SCFD2: variants seen among roughly 807,000 people sequenced by gnomAD.
SCFD2 encodes the protein sec1 family domain containing 2.
A neutral mutation model predicts 58.9 loss-of-function variants in SCFD2; 54 were observed. The observed-to-expected ratio is 0.92, with a 90% confidence interval of 0.74 to 1.15. The LOEUF (loss-of-function observed/expected upper bound fraction) is 1.15. Ranked by LOEUF, SCFD2 falls within the 50% of genes most tolerant of loss-of-function variation. The pLI, the probability that SCFD2 is intolerant of heterozygous loss-of-function variation, is 0.00. For synonymous variants in SCFD2, 321 were observed against 335.9 expected (o/e 0.96, Z 0.49); for missense variants, 805 against 836.6 (o/e 0.96, Z 0.47).
At chr4:52,934,128 A>G (rs996931813) in intron 5 of SCFD2, among the ~76,000 whole-genome samples, 1 of 152,220 alleles carries the variant, frequency 6.6e-6, no homozygotes, top group Non-Finnish European at 1.5e-5. Flanking sequence ...AAAATGAAAG[A>G]AAAAATGATC....
At chr4:53,159,297 A>G (rs1175494597) in intron 4 of SCFD2, among the ~76,000 whole-genome samples, 3 of 152,244 alleles carry the variant, frequency 2.0e-5, no homozygotes, top group African/African-American at 7.2e-5. Flanking sequence ...GAGTTTGAAA[A>G]AGATTACTTG....
intron 5 of SCFD2, among the ~76,000 whole-genome samples, chr4:53,028,599 A>G (rs1722539548): frequency 6.6e-6 from 1 of 152,168 alleles, no homozygotes; most frequent in African/African-American, 2.4e-5. Flanking sequence ...TTCTTATTCA[A>G]TAGAGATGGA....
chr4:52,959,375 T>C (rs932638015), intron 5 of SCFD2, among the ~76,000 whole-genome samples: 4 of 152,100 alleles, frequency 2.6e-5, no homozygotes, highest in African/African-American at 9.7e-5. Context: ...CCATTGCAAA[T>C]GTACAAAATC....
chr4:53,304,610 C>T (rs1163456442), intron 3 of SCFD2, among the ~76,000 whole-genome samples: 5 of 151,630 alleles, frequency 3.3e-5, no homozygotes, highest in South Asian at 2.1e-4. Flanking sequence ...TCTGCTTGAT[C>T]GATTCAGCTA....
In SCFD2 at chr4:53,282,160, G is replaced by A. The variant is rs191717153; in HGVS notation, c.1136-8159C>T. Among the ~76,000 whole-genome samples, 46 of 152,204 alleles carry A rather than the reference G, an allele frequency of 3.0e-4. 1 individual carries two copies. The highest frequency in any genetic ancestry group is 2.4e-3 in the Admixed American group (37 of 15,284). On this transcript the variant is annotated intron_variant, in intron 3 of 8. Coordinates refer to ENST00000401642, the MANE Select transcript of SCFD2 (RefSeq NM_152540.4). ...GGGTAGAGGTGCAGGTTTGTTATGA[G>A]GTTAATTCTTTCTACTTGCTTCTCA...
chr4:53,329,074 C>T (rs538166974), intron 2 of SCFD2, among the ~76,000 whole-genome samples: 98 of 152,346 alleles, frequency 6.4e-4, no homozygotes, highest in African/African-American at 2.2e-3. Flanking sequence ...TTATATCCCT[C>T]ACCTGGCTCA....
chr4:53,133,261 G>A (rs1489987695), intron 5 of SCFD2, among the ~76,000 whole-genome samples: 2 of 150,456 alleles, frequency 1.3e-5, no homozygotes, highest in East Asian at 3.9e-4. Context: ...CCGGGAGGCG[G>A]AGCTTGCAGT....
Position 53,050,069 on chromosome 4 carries a change from G to A in SCFD2, c.1561+95264C>T, listed in dbSNP as rs570356982. 3.0e-4 allele frequency among the ~76,000 whole-genome samples: 46 copies of A among 152,252 alleles called. 1 individual carries two copies. In the South Asian group the frequency reaches 6.9e-3, roughly 23 times the overall value. On this transcript the variant is annotated intron_variant, in intron 5 of 8. Coordinates refer to ENST00000401642, the MANE Select transcript of SCFD2 (RefSeq NM_152540.4). ...TGTGTACATGAGTCCGCAAACACTC[G>A]AATGTCACATGCAAAGGTAGTCATA...
At chr4:53,057,711 C>A (rs1185963242) in intron 5 of SCFD2, among the ~76,000 whole-genome samples, 1 of 152,002 alleles carries the variant, frequency 6.6e-6, no homozygotes, top group Non-Finnish European at 1.5e-5. Flanking sequence ...TTATCAGGAA[C>A]AGGGTGCTTG....
intron 6 of SCFD2, among the ~76,000 whole-genome samples, chr4:52,917,748 C>T (rs1719641870): frequency 1.3e-5 from 2 of 152,186 alleles, no homozygotes; most frequent in Admixed American, 6.5e-5. Flanking sequence ...CCTCTGACCC[C>T]TCTAGAGATT....
intron 4 of SCFD2, among the ~76,000 whole-genome samples, chr4:53,268,339 G>A (rs1731054453): frequency 3.3e-5 from 5 of 152,102 alleles, no homozygotes; most frequent in Admixed American, 2.6e-4. Context: ...GTGTCCATAC[G>A]ACTACCAGGA....
intron 3 of SCFD2, among the ~76,000 whole-genome samples, chr4:53,313,395 A>G (rs1347807875): frequency 6.6e-6 from 1 of 152,250 alleles, no homozygotes; most frequent in African/African-American, 2.4e-5. Flanking sequence ...ATAAGAAACT[A>G]AAATAATTAT....
intron 4 of SCFD2, among the ~76,000 whole-genome samples, chr4:53,173,872 T>A (rs1382068480): frequency 1.3e-5 from 2 of 152,176 alleles, no homozygotes; most frequent in South Asian, 4.1e-4. Flanking sequence ...TCATACCATA[T>A]AGACATACAC....
intron 5 of SCFD2, among the ~76,000 whole-genome samples, chr4:53,085,464 G>A (rs2148862065): frequency 6.6e-6 from 1 of 152,200 alleles, no homozygotes; most frequent in East Asian, 1.9e-4. Flanking sequence ...ACTACCAAAA[G>A]CAATCTACAG....
At chr4:53,355,872 T>C (rs1170810599) in intron 1 of SCFD2, among the ~76,000 whole-genome samples, 2 of 152,178 alleles carry the variant, frequency 1.3e-5, no homozygotes, top group African/African-American at 4.8e-5. Context: ...CATGGTATGC[T>C]TCCTCCCTTC....
At chr4:53,178,409 C>T (rs1431456912) in intron 4 of SCFD2, among the ~76,000 whole-genome samples, 11 of 152,166 alleles carry the variant, frequency 7.2e-5, no homozygotes, top group African/African-American at 2.4e-4. Flanking sequence ...GGACCTCTAG[C>T]AAACTCCAAT....
At position 53,273,888 on chromosome 4, in the gene SCFD2, A is replaced by C; in HGVS notation, c.1249T>G (p.Leu417Val). Residue 417 changes from leucine to valine, a missense_variant, in exon 4 of 9, where the codon TTG (leucine) becomes GTG (valine). Leu to Val is a conservative substitution (Grantham distance 32). Around this residue, in one of 3 missense-constraint regions of SCFD2, gnomAD observed 633 missense variants for 646.8 expected, o/e 0.98. Transcript: ENST00000401642. ...LQLGLATAQT[L>V]KHPQTAKWDN... ...CACTTGGCAGTCTGTGGGTGTTTCA[A>C]CGTTTGAGCTGTGGCCAGTCCAAGC... is the stretch of plus-strand genomic sequence containing the variant. The C allele has an allele frequency of 6.2e-7, 1 of 1,613,950 alleles. No individual in the cohort carries two copies.
intron 5 of SCFD2, among the ~76,000 whole-genome samples, chr4:53,062,774 G>A (rs1723551268): frequency 6.6e-6 from 1 of 152,138 alleles, no homozygotes; most frequent in African/African-American, 2.4e-5. Context: ...TGGCTGAACA[G>A]TGACACACAA....
At chr4:52,882,499 GATT>G (rs1056727914) in intron 8 of SCFD2, among the ~76,000 whole-genome samples, 16 of 152,306 alleles carry the variant, frequency 1.1e-4, no homozygotes, top group Admixed American at 2.0e-4. Flanking sequence ...TGCCAAAGGA[GATT>G]AACATTTGAG....
Sources: allele counts gnomAD v4.1 joint callset (sites outside exome capture counted in the v4.1 genomes callset), GRCh38; gene constraint gnomAD v4.1.1; regional missense constraint gnomAD v4.1.1; transcripts MANE v1.5; gene names NCBI Gene and HGNC (gene_info 2026-07-23, HGNC 2026-07-21).